Variants in RBM6 observed in about 807,000 individuals in gnomAD.
The protein encoded by RBM6 is RNA-binding protein 6.
A neutral mutation model predicts 140.4 loss-of-function variants in RBM6; 23 were observed. The ratio of observed to expected loss-of-function variants is 0.16; its 90% CI spans 0.12 to 0.23. The LOEUF (loss-of-function observed/expected upper bound fraction) is 0.23, where lower values mean the gene tolerates loss of function less well. RBM6 is among the 10% of genes least tolerant of loss of function. The pLI, the probability that RBM6 is intolerant of heterozygous loss-of-function variation, is 1.00. For synonymous variants in RBM6, 439 were observed against 475.6 expected, an observed-to-expected ratio of 0.92 and a Z score of 1.00; for missense variants, 1,139 against 1,386.7, an observed-to-expected ratio of 0.82 and a Z score of 2.84.
At chr3:50,006,509 C>T (rs1018668909) in intron 6 of RBM6, among the ~76,000 whole-genome samples, 10 of 152,108 alleles carry the variant, frequency 6.6e-5, no homozygotes, top group Non-Finnish European at 1.2e-4. Flanking sequence ...AAGCAGACTA[C>T]CGGGGGTTGC....
At chr3:49,982,150 G>T (rs576000114) in intron 5 of RBM6, among the ~76,000 whole-genome samples, 22 of 151,854 alleles carry the variant, frequency 1.4e-4, no homozygotes, top group Admixed American at 1.1e-3. Context: ...TTCTTGGAAA[G>T]TGAGTATTTG....
chr3:49,942,689 T>C (rs933090067), intron 1 of RBM6, among the ~76,000 whole-genome samples: 9 of 152,080 alleles, frequency 5.9e-5, no homozygotes, highest in Middle Eastern at 3.4e-3. Context: ...GTTCAGGAGT[T>C]CAAGAACAGC....
chr3:50,022,261 T>A (rs978163410), intron 6 of RBM6, among the ~76,000 whole-genome samples: 6 of 152,132 alleles, frequency 3.9e-5, no homozygotes, highest in Non-Finnish European at 8.8e-5. Flanking sequence ...TCGCCTGTTG[T>A]GTTTGAAATA....
chr3:49,958,607 C>A (rs944033567), intron 1 of RBM6, among the ~76,000 whole-genome samples: 1 of 151,202 alleles, frequency 6.6e-6, no homozygotes, highest in African/African-American at 2.4e-5. Context: ...AAAAATTAGC[C>A]GGGCGTGGTG....
intron 3 of RBM6, among the ~76,000 whole-genome samples, chr3:49,970,635 T>C (rs2084747771): frequency 6.6e-6 from 1 of 152,226 alleles, no homozygotes; most frequent in Admixed American, 6.5e-5. Context: ...AATGTTAAAC[T>C]TCTTGAATAT....
At chr3:50,055,316 G>C (rs1164254929) in intron 8 of RBM6, among the ~76,000 whole-genome samples, 1 of 152,164 alleles carries the variant, frequency 6.6e-6, no homozygotes, top group African/African-American at 2.4e-5. Context: ...TGGAATCCCA[G>C]CTCCTTGGGA....
chr3:50,061,680 G>A, intron 14 of RBM6, 133 bp downstream of exon 14: 1 of 1,466,488 alleles, frequency 6.8e-7, no homozygotes, highest in Non-Finnish European at 8.9e-7. Context: ...CATGAAAAGT[G>A]GAAAAGTTTA....
rs1304346526 is a variant in RBM6 at position 49,975,201 on chromosome 3, A to T, written c.1414-122A>T. On this transcript the variant is annotated intron_variant, in intron 4 of 20. Coordinates refer to ENST00000266022, the MANE Select transcript of RBM6 (RefSeq NM_005777.3). ...GAATGCCTTGAGTGTTCATAGTTTA[A>T]CTTTGCTTTTCCAAAGTAATCATGG... 4.1e-5 allele frequency: 34 copies of T among 827,606 alleles called. No homozygotes were observed. In the East Asian group the frequency reaches 7.7e-4, roughly 19 times the overall value. The allele number at this position is 827,606 out of a possible 1,614,324, so 51.3% of individuals were successfully genotyped here.
At chr3:49,951,871 C>T (rs541743802) in intron 1 of RBM6, among the ~76,000 whole-genome samples, 2 of 151,906 alleles carry the variant, frequency 1.3e-5, no homozygotes, top group East Asian at 1.9e-4. Flanking sequence ...TACAGGTGCC[C>T]GCCACCACGC....
At chr3:49,947,916 A>G (rs1479295358) in intron 1 of RBM6, among the ~76,000 whole-genome samples, 1 of 152,206 alleles carries the variant, frequency 6.6e-6, no homozygotes, top group Non-Finnish European at 1.5e-5. Flanking sequence ...CAACATGGCA[A>G]TATCCCGTCT....
At chr3:49,977,011 A>C (rs150507917) in intron 5 of RBM6, among the ~76,000 whole-genome samples, 1 of 152,214 alleles carries the variant, frequency 6.6e-6, no homozygotes, top group East Asian at 1.9e-4. Context: ...TATTTATATT[A>C]CATCTCTATG....
chr3:49,941,938 C>CA (rs113889758), intron 1 of RBM6, among the ~76,000 whole-genome samples: 191 of 136,850 alleles, frequency 1.4e-3, no homozygotes, highest in East Asian at 0.013. Flanking sequence ...ACAAAAAATA[C>CA]AAAAAAAAAA....
At chr3:49,968,848 T>C in intron 3 of RBM6, 100 bp downstream of exon 3, 1 of 1,347,054 alleles carries the variant, frequency 7.4e-7, no homozygotes, top group South Asian at 1.6e-5. Flanking sequence ...TGGTGCGATC[T>C]CTGCTCATGC....
chr3:50,033,207 G>A (rs1487098055), intron 6 of RBM6, among the ~76,000 whole-genome samples: 1 of 152,024 alleles, frequency 6.6e-6, no homozygotes, highest in Non-Finnish European at 1.5e-5. Flanking sequence ...TCAGACAGGA[G>A]AAGTGCTTGA....
chr3:50,006,469 A>G (rs578069091), intron 6 of RBM6, among the ~76,000 whole-genome samples: 111 of 152,306 alleles, frequency 7.3e-4, no homozygotes, highest in African/African-American at 2.5e-3. Flanking sequence ...ATGAAGCAGT[A>G]TAATGTAGCA....
chr3:50,018,324 A>G (rs540233614), intron 6 of RBM6, among the ~76,000 whole-genome samples: 36 of 152,226 alleles, frequency 2.4e-4, no homozygotes, highest in African/African-American at 7.9e-4. Flanking sequence ...ACATTTCTCT[A>G]TGTAGTCTCA....
chr3:50,043,355 C>T (rs1366195247), intron 6 of RBM6, among the ~76,000 whole-genome samples: 1 of 151,626 alleles, frequency 6.6e-6, no homozygotes, highest in Non-Finnish European at 1.5e-5. Context: ...TAGTGGCGCA[C>T]ACCTGTAATC....
intron 7 of RBM6, 56 bp from the exon 8 acceptor site, chr3:50,054,279 A>G: frequency 1.4e-6 from 2 of 1,411,222 alleles, no homozygotes; most frequent in African/African-American, 1.4e-5. Context: ...TTTGTTAGAT[A>G]TACATAAGAT....
intron 11 of RBM6, 111 bp downstream of exon 11, chr3:50,059,857 C>T (rs966603861): frequency 1.3e-6 from 1 of 782,140 alleles, no homozygotes; most frequent in Non-Finnish European, 2.1e-6. Flanking sequence ...CTAACATGGA[C>T]TGCTTCAGAT....
Sources: gnomAD v4.1 joint callset for allele counts (sites outside exome capture counted in the v4.1 genomes callset) on GRCh38, gnomAD v4.1.1 for gene constraint, MANE v1.5 for transcripts, NCBI Gene and HGNC (gene_info 2026-07-23, HGNC 2026-07-21) for gene names.